The following EBF1 variants were observed in gnomAD, a reference collection of about 807,000 sequenced individuals.
EBF1 encodes transcription factor COE1.
In EBF1, 10 loss-of-function variants were observed where a neutral mutation model predicts 68.4. The observed-to-expected ratio is 0.15, with a 90% CI of 0.09 to 0.25. The LOEUF (loss-of-function observed/expected upper bound fraction) is 0.25, where lower values mean the gene tolerates loss of function less well. EBF1 is among the 10% of genes least tolerant of loss of function. EBF1 has a pLI of 1.00. For missense variants in EBF1, 509 were observed against 794.4 expected (o/e 0.64, Z 4.32); for synonymous variants, 298 against 299.8 (o/e 0.99, Z 0.06).
intron 6 of EBF1, among the ~76,000 whole-genome samples, chr5:159,055,351 G>A (rs1277823741): frequency 2.0e-5 from 3 of 152,182 alleles, no homozygotes; most frequent in Non-Finnish European, 4.4e-5. Context: ...TAAGAAAGCT[G>A]AAATCCAGAG....
At chr5:158,969,919 A>AAGAAAGAAAGAAAGAAAG (rs1554093998) in intron 6 of EBF1, among the ~76,000 whole-genome samples, 2 of 60,176 alleles carry the variant, frequency 3.3e-5, no homozygotes, top group East Asian at 3.3e-4. Flanking sequence ...AAAGAAAGAA[A>AAGAAAGAAAGAAAGAAAG]AAAAAAAAAA....
intron 6 of EBF1, among the ~76,000 whole-genome samples, 175 bp from the exon 7 acceptor site, chr5:158,840,285 C>T (rs1374760475): frequency 1.3e-5 from 2 of 152,296 alleles, no homozygotes; most frequent in East Asian, 1.9e-4. Context: ...TTTGTTTCCA[C>T]GCTGGACCTT....
chr5:158,972,771 C>G lies in EBF1; in HGVS notation c.554+100625G>C, dbSNP rs577745514. On this transcript the variant is annotated intron_variant, in intron 6 of 15. Coordinates refer to ENST00000313708, the MANE Select transcript of EBF1 (RefSeq NM_024007.5). The stretch of plus-strand genomic sequence containing the variant: ...GGCCCAAGAAATGGCCCCAGGATGC[C>G]TTGGGCAGCGCCACCTGCTACTTTC... Among the ~76,000 whole-genome samples the G allele has an allele frequency of 2.0e-5, 3 of 152,320 alleles. No homozygotes were observed. In the East Asian group the frequency reaches 5.8e-4, roughly 29 times the overall value.
intron 6 of EBF1, among the ~76,000 whole-genome samples, chr5:158,840,645 GTTTTTTT>G (rs534374216): frequency 2.9e-4 from 19 of 64,756 alleles, no homozygotes; most frequent in East Asian, 5.4e-4. Flanking sequence ...AATACCTCCT[GTTTTTTT>G]TTTTTTTTTT....
chr5:158,731,228 G>A (rs1294955347), intron 10 of EBF1, 71 bp from the exon 11 acceptor site: 2 of 1,411,946 alleles, frequency 1.4e-6, no homozygotes, highest in Non-Finnish European at 2.0e-6. Flanking sequence ...CAACACTAAT[G>A]GTGTGGAAAT....
chr5:158,702,840 G>A (rs967490853), intron 15 of EBF1, among the ~76,000 whole-genome samples: 2 of 149,776 alleles, frequency 1.3e-5, no homozygotes, highest in African/African-American at 4.9e-5. Flanking sequence ...GACTGAATAT[G>A]TGCATGGAAA....
intron 11 of EBF1, among the ~76,000 whole-genome samples, chr5:158,723,229 C>T (rs1407599367): frequency 6.6e-6 from 1 of 152,202 alleles, no homozygotes; most frequent in East Asian, 1.9e-4. Flanking sequence ...CACCACTTGC[C>T]TCCTTCCCTA....
At chr5:158,890,102 C>T (rs148437748) in intron 6 of EBF1, among the ~76,000 whole-genome samples, 21 of 152,216 alleles carry the variant, frequency 1.4e-4, no homozygotes, top group Admixed American at 1.1e-3. Context: ...ATAATAATAT[C>T]CTCCTGTCTA....
intron 10 of EBF1, among the ~76,000 whole-genome samples, chr5:158,767,868 T>G (rs1773079499): frequency 6.6e-6 from 1 of 152,230 alleles, no homozygotes; most frequent in South Asian, 2.1e-4. Flanking sequence ...CATTTACCTA[T>G]TTTTTGTTAC....
At chr5:159,063,405 T>A (rs568036479) in intron 6 of EBF1, among the ~76,000 whole-genome samples, 66 of 152,364 alleles carry the variant, frequency 4.3e-4, no homozygotes, top group African/African-American at 1.5e-3. Flanking sequence ...AACCCGGGGA[T>A]ATTTTTCTTC....
At chr5:158,791,692 G>A (rs760229243) in intron 9 of EBF1, among the ~76,000 whole-genome samples, 1 of 151,978 alleles carries the variant, frequency 6.6e-6, no homozygotes, top group Non-Finnish European at 1.5e-5. Context: ...ATATGTAAGA[G>A]GAACTTGATT....
chr5:159,044,574 G>A (rs1328759276), intron 6 of EBF1, among the ~76,000 whole-genome samples: 1 of 152,052 alleles, frequency 6.6e-6, no homozygotes, highest in Non-Finnish European at 1.5e-5. Context: ...TGTAAGTCAC[G>A]AGGCAGAAAA....
At chr5:158,907,433 G>GGTGT (rs1449383953) in intron 6 of EBF1, among the ~76,000 whole-genome samples, 5 of 152,266 alleles carry the variant, frequency 3.3e-5, no homozygotes, top group Non-Finnish European at 5.9e-5. Context: ...TGAGAAAATA[G>GGTGT]GTGTGTATCT....
chr5:158,948,377 TAA>T (rs1028850258), intron 6 of EBF1, among the ~76,000 whole-genome samples: 1 of 146,276 alleles, frequency 6.8e-6, no homozygotes, highest in Non-Finnish European at 1.5e-5. Flanking sequence ...CTGGAATGTT[TAA>T]AAAAAAAAAC....
At chr5:158,808,205 C>A (rs765081252) in intron 8 of EBF1, among the ~76,000 whole-genome samples, 2 of 152,126 alleles carry the variant, frequency 1.3e-5, no homozygotes, top group African/African-American at 2.4e-5. Flanking sequence ...AGTCCACTTT[C>A]ATCTCAACTC....
chr5:159,050,152 TTCTCTCTCTCTCTC>T (rs148912326), intron 6 of EBF1, among the ~76,000 whole-genome samples: 1 of 135,540 alleles, frequency 7.4e-6, no homozygotes, highest in South Asian at 2.5e-4. Flanking sequence ...TCGTTTCTCT[TTCTCTCTCTCTCTC>T]TCTCTCTCTC....
At chr5:158,835,464 T>C (rs1465372097) in intron 7 of EBF1, among the ~76,000 whole-genome samples, 1 of 152,214 alleles carries the variant, frequency 6.6e-6, no homozygotes, top group African/African-American at 2.4e-5. Flanking sequence ...TCCACACAAC[T>C]CTACCCTCTG....
At chr5:158,792,316 G>A (rs1055536911) in intron 9 of EBF1, among the ~76,000 whole-genome samples, 1 of 152,184 alleles carries the variant, frequency 6.6e-6, no homozygotes, top group Non-Finnish European at 1.5e-5. Flanking sequence ...ATGTGAACTT[G>A]GGAGCTCGCA....
intron 9 of EBF1, among the ~76,000 whole-genome samples, chr5:158,788,036 G>A (rs1388730689): frequency 6.6e-6 from 1 of 152,116 alleles, no homozygotes; most frequent in Non-Finnish European, 1.5e-5. Context: ...ATGAATGAAT[G>A]AATGAAAGGG....
Sources: allele counts gnomAD v4.1 joint callset (sites outside exome capture counted in the v4.1 genomes callset), GRCh38; gene constraint gnomAD v4.1.1; transcripts MANE v1.5; gene names NCBI Gene and HGNC (gene_info 2026-07-23, HGNC 2026-07-21).